Variants in HEPH observed in about 807,000 individuals in gnomAD.
The protein encoded by HEPH is hephaestin.
In HEPH, 69 loss-of-function variants were observed where a neutral mutation model predicts 80.8. The observed-to-expected ratio is 0.85, with a 90% CI of 0.70 to 1.04. The LOEUF (loss-of-function observed/expected upper bound fraction) is 1.04. Ranked by LOEUF, HEPH falls within the 50% of genes least tolerant of loss-of-function variation. The pLI, the probability that HEPH is intolerant of heterozygous loss-of-function variation, is 0.00. For missense variants in HEPH, 1,115 were observed against 891.3 expected (o/e 1.25, Z -3.20); for synonymous variants, 431 against 322.8 (o/e 1.34, Z -3.60).
chrX:66,253,942 G>C (rs2091087708), intron 15 of HEPH, among the ~76,000 whole-genome samples: 1 of 111,412 alleles, frequency 9.0e-6, no homozygotes, highest in African/African-American at 3.3e-5. Context: ...GGTGGGGCAG[G>C]AATGGATGGG....
intron 18 of HEPH, among the ~76,000 whole-genome samples, chrX:66,259,368 T>G (rs1292659023): frequency 8.9e-6 from 1 of 111,793 alleles, no homozygotes; most frequent in Admixed American, 9.5e-5. Context: ...AGGGGGTACA[T>G]GGAACAATAT....
intron 8 of HEPH, 98 bp from the exon 9 acceptor site, chrX:66,195,000 C>G: frequency 7.1e-6 from 5 of 700,861 alleles, no homozygotes; most frequent in South Asian, 5.2e-5. Context: ...TTCTTCTTCA[C>G]TTTCACTTTC....
intron 15 of HEPH, among the ~76,000 whole-genome samples, chrX:66,215,489 A>G (rs1386940579): frequency 1.8e-5 from 2 of 111,726 alleles, no homozygotes; most frequent in African/African-American, 6.5e-5. Flanking sequence ...CTTTGCTATG[A>G]TTCCTTTTTG....
At chrX:66,230,808 T>C (rs1292877982) in intron 15 of HEPH, among the ~76,000 whole-genome samples, 9 of 101,131 alleles carry the variant, frequency 8.9e-5, no homozygotes, top group African/African-American at 3.3e-4. Context: ...ATTTTGTCTT[T>C]TGTTGCCATT....
intron 15 of HEPH, among the ~76,000 whole-genome samples, chrX:66,249,254 A>G (rs1260415218): frequency 9.0e-6 from 1 of 111,552 alleles, no homozygotes; most frequent in Admixed American, 9.6e-5. Flanking sequence ...AATTTCAGCT[A>G]TGATGTGTGA....
chrX:66,222,587 A>T, intron 15 of HEPH, among the ~76,000 whole-genome samples: 1 of 112,246 alleles, frequency 8.9e-6, no homozygotes, highest in South Asian at 3.7e-4. Context: ...TGGTTGGGGC[A>T]GTCCATCCTT....
intron 15 of HEPH, among the ~76,000 whole-genome samples, chrX:66,235,378 G>C (rs1337258826): frequency 8.9e-6 from 1 of 111,833 alleles, no homozygotes; most frequent in Non-Finnish European, 1.9e-5. Flanking sequence ...TTTGAATAAG[G>C]CGTAAGGAAG....
intron 4 of HEPH, among the ~76,000 whole-genome samples, chrX:66,180,279 G>C (rs149388715): frequency 2.7e-5 from 3 of 110,915 alleles, no homozygotes. Context: ...GCTCCTTTTA[G>C]CAGTTCTTGT....
chrX:66,192,980 G>A (rs1219402928), intron 7 of HEPH, among the ~76,000 whole-genome samples: 2 of 111,128 alleles, frequency 1.8e-5, no homozygotes, highest in Non-Finnish European at 3.8e-5. Flanking sequence ...GATCCTTCAT[G>A]GTTATACTTC....
intron 15 of HEPH, among the ~76,000 whole-genome samples, chrX:66,212,054 C>G (rs761391998): frequency 4.6e-5 from 5 of 109,714 alleles, no homozygotes; most frequent in Non-Finnish European, 9.5e-5. Context: ...GTAATATGAT[C>G]TGTCATTGTG....
At chrX:66,190,257 A>G (rs528991644) in intron 6 of HEPH, among the ~76,000 whole-genome samples, 3 of 110,866 alleles carry the variant, frequency 2.7e-5, no homozygotes, top group African/African-American at 9.8e-5. Context: ...TAATACCTGG[A>G]GACATTTTCA....
intron 10 of HEPH, among the ~76,000 whole-genome samples, chrX:66,198,219 C>T (rs746056062): frequency 1.9e-5 from 2 of 104,101 alleles, no homozygotes; most frequent in South Asian, 4.6e-4. Context: ...ACCTCGGTGG[C>T]CCCTAAACCT....
rs757831190 is a variant in HEPH at position 66,207,281 on chromosome X, C to T, written c.2378C>T (p.Thr793Ile). The change falls in exon 14 of 21, where the codon ACA becomes ATA. Residue 793 changes from threonine to isoleucine, a missense_variant. This residue lies in a region of HEPH where 716 missense variants were observed against 523.5 expected (regional missense o/e 1.37). Coordinates refer to ENST00000343002, the MANE Select transcript of HEPH (RefSeq NM_001367233.3). ...GTATTCAGGGAATACACTGATGGTA[C>T]ATTCAGGATCCCTCGGCCAAGGACT... ...KAVFREYTDGTFRIPRPRTGP... is the reference protein window; with the variant it reads ...KAVFREYTDGIFRIPRPRTGP... 5 of 1,201,832 alleles carry T rather than the reference C, an allele frequency of 4.2e-6. No individual in the cohort carries two copies. Among genetic ancestry groups the T allele is most frequent in the Non-Finnish European group, 5.6e-6 (5 of 889,237 alleles).
intron 9 of HEPH, among the ~76,000 whole-genome samples, chrX:66,196,832 A>C (rs775402272): frequency 1.8e-5 from 2 of 110,298 alleles, no homozygotes; most frequent in South Asian, 7.6e-4. Flanking sequence ...TATTTATTGC[A>C]TATATTATTC....
chrX:66,195,639 G>A (rs2088047370), intron 9 of HEPH, among the ~76,000 whole-genome samples: 1 of 110,848 alleles, frequency 9.0e-6, no homozygotes, highest in Non-Finnish European at 1.9e-5. Context: ...ATTGTATTGT[G>A]TTTGTTTTTC....
At chrX:66,192,622 T>C (rs1163485720) in intron 7 of HEPH, among the ~76,000 whole-genome samples, 1 of 111,955 alleles carries the variant, frequency 8.9e-6, no homozygotes, top group Non-Finnish European at 1.9e-5. Flanking sequence ...TCAGTTGAAA[T>C]AGCTTTTATT....
chrX:66,167,266 A>T (rs759460130), intron 1 of HEPH, among the ~76,000 whole-genome samples: 1 of 112,015 alleles, frequency 8.9e-6, no homozygotes, highest in East Asian at 2.8e-4. Context: ...TATGAAAAAC[A>T]CATTGTAATC....
At chrX:66,232,076 A>T (rs1602446571) in intron 15 of HEPH, among the ~76,000 whole-genome samples, 1 of 109,249 alleles carries the variant, frequency 9.2e-6, no homozygotes. Context: ...ATGCTGGATT[A>T]CATTTATTGA....
intron 15 of HEPH, among the ~76,000 whole-genome samples, chrX:66,239,365 A>G (rs192115908): frequency 3.6e-4 from 40 of 111,278 alleles, no homozygotes; most frequent in African/African-American, 1.2e-3. Flanking sequence ...CCTTCCATCT[A>G]TTCTCAGTAT....
Sources: allele counts gnomAD v4.1 joint callset (sites outside exome capture counted in the v4.1 genomes callset), GRCh38; gene constraint gnomAD v4.1.1; regional missense constraint gnomAD v4.1.1; transcripts MANE v1.5; gene names NCBI Gene and HGNC (gene_info 2026-07-23, HGNC 2026-07-21).